ACSL4: variants seen among roughly 807,000 people sequenced by gnomAD.
ACSL4 encodes the protein acyl-CoA synthetase long chain family member 4.
A neutral mutation model predicts 49.1 loss-of-function variants in ACSL4; 9 were observed. The ratio of observed to expected loss-of-function variants is 0.18; its 90% CI spans 0.11 to 0.32. ACSL4 has a LOEUF of 0.32. Ranked by LOEUF, ACSL4 falls within the 10% of genes least tolerant of loss-of-function variation. The pLI, the probability that ACSL4 is intolerant of heterozygous loss-of-function variation, is 1.00. For missense variants in ACSL4, 333 were observed against 493.7 expected, an observed-to-expected ratio of 0.67 and a Z score of 3.08; for synonymous variants, 191 against 170.3, an observed-to-expected ratio of 1.12 and a Z score of -0.95.
intron 1 of ACSL4, among the ~76,000 whole-genome samples, chrX:109,707,276 G>A (rs894209005): frequency 4.9e-4 from 55 of 111,651 alleles, no homozygotes; most frequent in African/African-American, 1.6e-3. Flanking sequence ...GCAATGCACT[G>A]GGGGTCCATA....
At chrX:109,702,619 A>T (rs1304725962) in intron 1 of ACSL4, among the ~76,000 whole-genome samples, 1 of 112,261 alleles carries the variant, frequency 8.9e-6, no homozygotes, top group African/African-American at 3.2e-5. Flanking sequence ...AAAGAACCAG[A>T]GCTCTTTGGA....
At chrX:109,696,916 T>C (rs1216374339) in intron 1 of ACSL4, among the ~76,000 whole-genome samples, 2 of 111,302 alleles carry the variant, frequency 1.8e-5, no homozygotes, top group Non-Finnish European at 3.8e-5. Context: ...TGGTGGTGCA[T>C]GCCTGTAGTC....
chrX:109,697,000 C>T (rs1387045256), intron 1 of ACSL4, among the ~76,000 whole-genome samples: 2 of 111,241 alleles, frequency 1.8e-5, no homozygotes, highest in Non-Finnish European at 3.8e-5. Context: ...GCCAAGATTG[C>T]ACCACTGCAC....
intron 15 of ACSL4, 69 bp from the exon 16 acceptor site, chrX:109,644,255 G>T (rs1934542644): frequency 1.1e-6 from 1 of 950,195 alleles, no homozygotes; most frequent in Non-Finnish European, 1.5e-6. Context: ...AGTGGGGACG[G>T]GGAAAGAAGG....
At chrX:109,703,978 GTT>G (rs1206379189) in intron 1 of ACSL4, among the ~76,000 whole-genome samples, 2 of 110,894 alleles carry the variant, frequency 1.8e-5, no homozygotes, top group Non-Finnish European at 3.8e-5. Context: ...ATATTGTGGG[GTT>G]TTTTTGTTGT....
rs1922940321 is a variant in ACSL4, at chrX:109,669,154, T to C, written c.1022A>G (p.Tyr341Cys). ...AAVPEIMDRI[Y>C]KNVMSKVQEM... ...TTGGACTTTGCTCATAACATTCTTA[T>C]AAATTCTATCCATGATTTCCTGAAA... Residue 341 changes from tyrosine (Y) to cysteine (C), a missense_variant, in exon 10 of 16, where the codon TAT becomes TGT. Coordinates refer to ENST00000672401, the MANE Select transcript of ACSL4 (RefSeq NM_001318510.2). 1.7e-6 allele frequency: 2 copies of C among 1,166,893 alleles called. No homozygotes were observed. The highest frequency in any genetic ancestry group is 2.6e-4 in the Middle Eastern group (1 of 3,903).
At chrX:109,660,506 T>C (rs1922084211) in intron 14 of ACSL4, among the ~76,000 whole-genome samples, 1 of 112,028 alleles carries the variant, frequency 8.9e-6, no homozygotes, top group African/African-American at 3.2e-5. Flanking sequence ...GTGCTGTTGC[T>C]ATGGAAAACA....
intron 15 of ACSL4, among the ~76,000 whole-genome samples, chrX:109,654,806 C>T (rs2147376282): frequency 8.9e-6 from 1 of 112,131 alleles, no homozygotes; most frequent in East Asian, 2.8e-4. Flanking sequence ...AGTTCTCCCG[C>T]ACCCTATGCT....
intron 1 of ACSL4, among the ~76,000 whole-genome samples, chrX:109,731,663 T>A (rs746087422): frequency 6.3e-5 from 7 of 111,184 alleles, no homozygotes; most frequent in Non-Finnish European, 1.1e-4. Context: ...AGTTGTCAAA[T>A]TATTTCTTAT....
At chrX:109,706,793 G>C (rs969697900) in intron 1 of ACSL4, among the ~76,000 whole-genome samples, 2 of 112,331 alleles carry the variant, frequency 1.8e-5, no homozygotes, top group African/African-American at 3.2e-5. Flanking sequence ...GGATGAATCT[G>C]AATTTACAAG....
chrX:109,652,137 T>C (rs1422420630), intron 15 of ACSL4, among the ~76,000 whole-genome samples: 1 of 112,028 alleles, frequency 8.9e-6, no homozygotes, highest in Non-Finnish European at 1.9e-5. Flanking sequence ...TATGATACTA[T>C]GTATACCTCA....
intron 9 of ACSL4, 83 bp downstream of exon 9, chrX:109,674,319 G>T: frequency 1.3e-6 from 1 of 757,843 alleles, no homozygotes; most frequent in Non-Finnish European, 2.1e-6. Context: ...ATATCTAAGA[G>T]TATTACTTTT....
chrX:109,704,938 T>TCA (rs1387439762), intron 1 of ACSL4, among the ~76,000 whole-genome samples: 5 of 107,660 alleles, frequency 4.6e-5, no homozygotes, highest in African/African-American at 1.3e-4. Context: ...TCTCTCTCTC[T>TCA]CTCACACACA....
chrX:109,659,177 C>T (rs952250039), intron 15 of ACSL4, among the ~76,000 whole-genome samples, 177 bp downstream of exon 15: 9 of 112,051 alleles, frequency 8.0e-5, no homozygotes, highest in African/African-American at 2.6e-4. Flanking sequence ...ATAGGTTATT[C>T]TACTATATGA....
At chrX:109,695,761 T>G (rs780037545) in intron 2 of ACSL4, 6 of 111,281 alleles carry the variant, frequency 5.4e-5, no homozygotes, top group African/African-American at 2.0e-4. Flanking sequence ...AAACCCATTT[T>G]AAAGATAAGG....
chrX:109,705,760 C>T (rs183780195), intron 1 of ACSL4, among the ~76,000 whole-genome samples: 2 of 112,687 alleles, frequency 1.8e-5, no homozygotes, highest in Non-Finnish European at 3.8e-5. Flanking sequence ...TGCAATGGCA[C>T]GATCTTGGCT....
intron 1 of ACSL4, among the ~76,000 whole-genome samples, chrX:109,703,738 C>A (rs1325693381): frequency 1.8e-5 from 2 of 111,378 alleles, no homozygotes; most frequent in African/African-American, 6.5e-5. Flanking sequence ...TCGAGGTCAG[C>A]CTGGCCAACA....
intron 8 of ACSL4, among the ~76,000 whole-genome samples, 193 bp from the exon 9 acceptor site, chrX:109,674,666 G>T (rs1231033678): frequency 8.9e-6 from 1 of 112,089 alleles, no homozygotes; most frequent in Non-Finnish European, 1.9e-5. Flanking sequence ...ACTGCTTCTA[G>T]CACATTTCAC....
At chrX:109,697,784 A>G (rs1403133472) in intron 1 of ACSL4, among the ~76,000 whole-genome samples, 1 of 107,511 alleles carries the variant, frequency 9.3e-6, no homozygotes, top group Non-Finnish European at 1.9e-5. Context: ...AGAATGCTGG[A>G]GAAGAAAATC....
Sources: allele counts gnomAD v4.1 joint callset (sites outside exome capture counted in the v4.1 genomes callset), GRCh38; gene constraint gnomAD v4.1.1; transcripts MANE v1.5; gene names NCBI Gene and HGNC (gene_info 2026-07-23, HGNC 2026-07-21).